DNPEP: variants seen among roughly 807,000 people sequenced by gnomAD.
DNPEP encodes aspartyl aminopeptidase.
In DNPEP, 46 loss-of-function variants were observed where a neutral mutation model predicts 59.1. That is an observed-to-expected ratio of 0.78 (90% CI 0.61 to 0.99). The LOEUF is 0.99. DNPEP is among the 50% of genes least tolerant of loss of function. The pLI is 0.00. For missense variants in DNPEP, 617 were observed against 649.9 expected, an observed-to-expected ratio of 0.95 and a Z score of 0.55; for synonymous variants, 229 against 242.2, an observed-to-expected ratio of 0.95 and a Z score of 0.50.
At chr2:219,380,053 G>A (rs1953524131) in intron 13 of DNPEP, among the ~76,000 whole-genome samples, 1 of 152,112 alleles carries the variant, frequency 6.6e-6, no homozygotes, top group South Asian at 2.1e-4. Context: ...CTGCAATAGT[G>A]TACAGTAATG....
chr2:219,384,529 T>C, intron 8 of DNPEP, 86 bp from the exon 9 acceptor site: 1 of 1,135,316 alleles, frequency 8.8e-7, no homozygotes, highest in South Asian at 1.4e-5. Context: ...CTTGGTTTCT[T>C]GCGCAACCTC....
chr2:219,386,082 C>A lies in DNPEP; in HGVS notation c.476G>T (p.Arg159Leu), dbSNP rs767375438. The change falls in exon 6 of 15, where the codon CGG (arginine) becomes CTG (leucine). Residue 159 changes from arginine (R) to leucine (L), a missense_variant. Arg to Leu is a moderately radical substitution (Grantham distance 102, BLOSUM62 -2). Coordinates refer to ENST00000273075, the MANE Select transcript of DNPEP (RefSeq NM_012100.4). ...RVIVKCPTSG[R>L]LEQQLVHVER... ...CACGTGCACCAGCTGCTGCTCCAGC[C>A]GACCTGAGGTAGGGCACTGCAGCCA... 2 of 1,614,088 alleles carry A rather than the reference C, an allele frequency of 1.2e-6. No homozygotes were observed. Among genetic ancestry groups the A allele is most frequent in the Admixed American group, 1.7e-5 (1 of 60,016 alleles).
chr2:219,374,836 G>T lies in DNPEP; in HGVS notation c.1407+19C>A. On this transcript the variant is annotated intron_variant, in intron 14 of 14. Transcript: ENST00000273075. ...GGGAAGCAGCCCAGCTGCCAGAGAG[G>T]GTCTGGGGTGGGTGTTACCTTGAAG... 2 of 1,607,090 alleles carry T rather than the reference G, an allele frequency of 1.2e-6. No individual in the cohort carries two copies. The highest frequency in any genetic ancestry group is 1.1e-5 in the South Asian group (1 of 90,912).
At chr2:219,391,570 G>GT (rs915181373), upstream of DNPEP, among the ~76,000 whole-genome samples, 14 of 151,990 alleles carry the variant, frequency 9.2e-5, no homozygotes, top group East Asian at 9.7e-4. Flanking sequence ...ATATAATTTA[G>GT]TTTTTTTTAA....
rs1020633985 is a variant in DNPEP at position 219,395,591 on chromosome 2, A to G, written c.-158+4349T>C. On this transcript the variant is annotated intron_variant, in intron 1 of 6. Transcript: ENST00000434339. ...TGCTTCAGTTATTGCTGTCAGGTGC[A>G]TCTGCCATACATTCAGTAAATGGCA... Among the ~76,000 whole-genome samples the G allele has an allele frequency of 3.3e-5, 5 of 152,234 alleles. 1 individual carries two copies. The highest frequency in any genetic ancestry group is 2.0e-4 in the Admixed American group (3 of 15,282).
chr2:219,374,384 C>A (rs757674947), intron 14 of DNPEP, 42 bp from the exon 15 acceptor site: 5 of 1,578,712 alleles, frequency 3.2e-6, no homozygotes, highest in African/African-American at 1.3e-5. Context: ...TAGTGAGTGA[C>A]CAGATGGAGA....
Position 219,386,383 on chromosome 2 carries a change from A to T in DNPEP, c.362T>A (p.Val121Glu). 1 of 1,614,214 alleles carries T rather than the reference A, an allele frequency of 6.2e-7. No homozygotes were observed. The highest frequency in any genetic ancestry group is 8.5e-7 in the Non-Finnish European group (1 of 1,180,032). Reference protein sequence around the residue: ...RVKRRSRRSQVGFQQVGVETY... With the variant: ...RVKRRSRRSQEGFQQVGVETY... ...CTCCACACCGACTTGCTGGAAGCCC[A>T]CCTGGCTGCGGCGAGACCGACGTTT... is the stretch of plus-strand genomic sequence containing the variant. The change falls in exon 5 of 15, where the codon GTG becomes GAG. Residue 121 changes from valine (V) to glutamate (E), a missense_variant. Transcript: ENST00000273075.
Position 219,374,302 on chromosome 2 carries a change from A to G in DNPEP, c.1448T>C (p.Leu483Ser), listed in dbSNP as rs754829625. 6.8e-6 allele frequency: 11 copies of G among 1,614,080 alleles called. No individual in the cohort carries two copies. The Admixed American group carries it at 1.5e-4, about 22-fold the overall frequency. The change falls in exon 15 of 15, where the codon TTA becomes TCA. Residue 483 changes from leucine (L) to serine (S), a missense_variant. Coordinates refer to ENST00000273075, the MANE Select transcript of DNPEP (RefSeq NM_012100.4). Reference sequence around the variant, plus strand: ...TCTTTCCAAGAGGGCTCAATCCACTAAGAGATTATGGCTTAGAGAAGGGAA... The same window carrying G: ...TCTTTCCAAGAGGGCTCAATCCACTGAGAGATTATGGCTTAGAGAAGGGAA... ...ELFPSLSHNL[L>S]VD
chr2:219,388,048 C>CA, upstream of DNPEP: 1 of 760,368 alleles, frequency 1.3e-6, no homozygotes, highest in Middle Eastern at 4.6e-4. Context: ...CGCTGGGCAC[C>CA]ACCACCCGCC....
intron 1 of DNPEP, chr2:219,387,371 C>G (rs1953894208): frequency 2.8e-6 from 4 of 1,441,804 alleles, no homozygotes; most frequent in Non-Finnish European, 3.7e-6. Flanking sequence ...ATGAGCCAGG[C>G]CCGCCCCTTA....
intron 13 of DNPEP, among the ~76,000 whole-genome samples, chr2:219,378,599 T>C (rs1229206165): frequency 6.6e-6 from 1 of 152,170 alleles, no homozygotes; most frequent in Admixed American, 6.5e-5. Context: ...GTCCCTGATA[T>C]AGAGAGGTAG....
chr2:219,399,020 A>G (rs948976529), intron 1 of DNPEP, among the ~76,000 whole-genome samples: 1 of 152,248 alleles, frequency 6.6e-6, no homozygotes, highest in African/African-American at 2.4e-5. Flanking sequence ...TCGTATTTCT[A>G]GGGAAGCTTA....
Position 219,385,413 on chromosome 2 carries a change from C to T in DNPEP, c.774+11G>A. Reference sequence around the variant, plus strand: ...GCCCTTCACCCACAGGTTCCTACAGCCAGTCCTCACCGCAGGCTGGGTGTC... The same window carrying T: ...GCCCTTCACCCACAGGTTCCTACAGTCAGTCCTCACCGCAGGCTGGGTGTC... On this transcript the variant is annotated intron_variant, in intron 8 of 14. Transcript: ENST00000273075. 6.2e-7 allele frequency: 1 copy of T among 1,600,316 alleles called. No homozygotes were observed. Among genetic ancestry groups the T allele is most frequent in the Non-Finnish European group, 8.6e-7 (1 of 1,168,082 alleles).
intron 1 of DNPEP, among the ~76,000 whole-genome samples, chr2:219,395,037 C>T (rs1230625225): frequency 6.6e-6 from 1 of 151,920 alleles, no homozygotes; most frequent in Non-Finnish European, 1.5e-5. Flanking sequence ...TTCACTGCAA[C>T]CTCCACCTCC....
chr2:219,397,896 C>CT (rs1040616606), intron 1 of DNPEP, among the ~76,000 whole-genome samples: 37 of 149,622 alleles, frequency 2.5e-4, no homozygotes, highest in African/African-American at 7.8e-4. Context: ...GGATGCTTTT[C>CT]TTTTTTTTTT....
At chr2:219,384,570 G>T in intron 8 of DNPEP, 127 bp from the exon 9 acceptor site, 8 of 571,000 alleles carry the variant, frequency 1.4e-5, no homozygotes, top group Admixed American at 1.0e-4. Flanking sequence ...GCACTATTTT[G>T]TTTTTTCTTT....
chr2:219,375,097 T>A, intron 13 of DNPEP, 75 bp from the exon 14 acceptor site: 3 of 1,524,652 alleles, frequency 2.0e-6, no homozygotes, highest in South Asian at 1.2e-5. Context: ...CATCTTAGAA[T>A]TGCAGGGTGG....
At chr2:219,384,514 G>T in intron 8 of DNPEP, 71 bp from the exon 9 acceptor site, 3 of 1,350,354 alleles carry the variant, frequency 2.2e-6, no homozygotes, top group Non-Finnish European at 3.1e-6. Flanking sequence ...GCTCCCAAGG[G>T]TCTCCTTGGT....
intron 1 of DNPEP, chr2:219,387,426 T>A (rs1953896843): frequency 3.5e-6 from 5 of 1,428,316 alleles, no homozygotes; most frequent in Non-Finnish European, 2.8e-6. Flanking sequence ...CCCATGTCCC[T>A]GCCCAGCTAG....
Sources: gnomAD v4.1 joint callset for allele counts (sites outside exome capture counted in the v4.1 genomes callset) on GRCh38, gnomAD v4.1.1 for gene constraint, MANE v1.5 for transcripts, NCBI Gene and HGNC (gene_info 2026-07-23, HGNC 2026-07-21) for gene names.